The following ZNF208 variants were observed in gnomAD, a reference collection of about 807,000 sequenced individuals.
ZNF208 encodes zinc finger protein 208, also known as zinc finger protein 95.
ZNF208 carries 10 observed loss-of-function variants against 12.1 expected under a neutral mutation model. The ratio of observed to expected loss-of-function variants is 0.83; its 90% CI spans 0.51 to 1.40. ZNF208 has a LOEUF of 1.40. Among genes scored for constraint, ZNF208 ranks in the 40% most tolerant of loss-of-function variants. ZNF208 has a pLI of 0.00. For missense variants in ZNF208, 1,652 were observed against 1,485.0 expected, an observed-to-expected ratio of 1.11 and a Z score of -1.85; for synonymous variants, 497 against 488.4, an observed-to-expected ratio of 1.02 and a Z score of -0.23.
At chr19:21,961,114 C>A (rs1235598381), downstream of ZNF208, among the ~76,000 whole-genome samples, 3 of 152,190 alleles carry the variant, frequency 2.0e-5, no homozygotes, top group Non-Finnish European at 2.9e-5. Context: ...GGGGAACCCA[C>A]CCCCAATATT....
At chr19:21,960,067 T>C (rs1379939004) in intron 4 of ZNF208, among the ~76,000 whole-genome samples, 1 of 152,172 alleles carries the variant, frequency 6.6e-6, no homozygotes, top group African/African-American at 2.4e-5. Flanking sequence ...TACAAAATTA[T>C]ATGCTGACCA....
intron 4 of ZNF208, among the ~76,000 whole-genome samples, chr19:21,954,930 T>C (rs1377977642): frequency 7.2e-5 from 11 of 152,326 alleles, no homozygotes; most frequent in Middle Eastern, 3.4e-3. Flanking sequence ...CTACCATCGA[T>C]GGTCTTTACA....
chr19:22,002,543 A>C lies in ZNF208; in HGVS notation c.3+8249T>G, dbSNP rs145866703. Among the ~76,000 whole-genome samples the C allele has an allele frequency of 7.6e-3, 1,161 of 152,102 alleles. 9 individuals carry two copies. The highest frequency in any genetic ancestry group is 0.026 in the African/African-American group (1,087 of 41,464). ...GTACAAAAATTAGTAGCAACCCTAT[A>C]TATCAAGAACACCTAGGCCAAATCC... On this transcript the variant is annotated intron_variant, in intron 1 of 3. Coordinates refer to ENST00000397126, the MANE Select transcript of ZNF208 (RefSeq NM_007153.3).
Position 21,975,533 on chromosome 19 carries a change from A to G in ZNF208, c.227-726T>C, listed in dbSNP as rs544352306. The stretch of plus-strand genomic sequence containing the variant: ...TTTCTGACTATGCCAGGACAAAGCT[A>G]CATTATAAATTTTGTGACAGGTAGC... On this transcript the variant is annotated intron_variant, in intron 3 of 3. Transcript: ENST00000397126. Among the ~76,000 whole-genome samples the G allele has an allele frequency of 1.8e-3, 270 of 152,304 alleles. 1 individual carries two copies. The highest frequency in any genetic ancestry group is 6.2e-3 in the African/African-American group (257 of 41,578).
intron 4 of ZNF208, among the ~76,000 whole-genome samples, chr19:21,950,527 T>C (rs1301464583): frequency 6.9e-6 from 1 of 145,832 alleles, no homozygotes; most frequent in African/African-American, 2.6e-5. Context: ...AGAGTCTCAC[T>C]CTGTCACCTA....
intron 4 of ZNF208, among the ~76,000 whole-genome samples, chr19:21,954,911 A>G (rs1188954532): frequency 2.6e-5 from 4 of 151,416 alleles, no homozygotes; most frequent in African/African-American, 7.3e-5. Flanking sequence ...TAGTTGATGC[A>G]GTTTCTTCCT....
chr19:22,000,042 C>T (rs1428582731), intron 1 of ZNF208, among the ~76,000 whole-genome samples: 1 of 152,084 alleles, frequency 6.6e-6, no homozygotes, highest in Non-Finnish European at 1.5e-5. Context: ...AAAAAAACTC[C>T]ATGGGTTCAC....
At chr19:21,985,824 G>T (rs1215696566) in intron 3 of ZNF208, among the ~76,000 whole-genome samples, 3 of 152,152 alleles carry the variant, frequency 2.0e-5, no homozygotes, top group Non-Finnish European at 4.4e-5. Context: ...CCTCAGAAAT[G>T]CTCTCTGGTA....
intron 3 of ZNF208, among the ~76,000 whole-genome samples, chr19:21,986,392 TAAAAC>T (rs1970629143): frequency 6.6e-6 from 1 of 151,932 alleles, no homozygotes; most frequent in Non-Finnish European, 1.5e-5. Flanking sequence ...AATAGAGTAA[TAAAAC>T]AATCTTATTT....
chr19:22,003,419 C>T (rs1348710424), intron 1 of ZNF208, among the ~76,000 whole-genome samples: 1 of 150,610 alleles, frequency 6.6e-6, no homozygotes, highest in Non-Finnish European at 1.5e-5. Context: ...AAAATATTTG[C>T]AAACTATGCT....
chr19:22,007,193 T>C (rs1971059393), intron 1 of ZNF208, among the ~76,000 whole-genome samples: 2 of 152,206 alleles, frequency 1.3e-5, no homozygotes, highest in Admixed American at 6.5e-5. Flanking sequence ...AAAAGCTAGA[T>C]GGAATTCTAT....
At chr19:21,979,274 C>G (rs141443138) in intron 3 of ZNF208, among the ~76,000 whole-genome samples, 1,884 of 152,166 alleles carry the variant, frequency 0.012, 31 homozygotes, top group African/African-American at 0.042. Flanking sequence ...GACACAGAAT[C>G]GTCAGATTCA....
rs200861669 is a variant in ZNF208, at chr19:21,969,278, A to G, written c.*1913T>C. Among the ~76,000 whole-genome samples, 5 of 23,226 alleles carry G rather than the reference A, an allele frequency of 2.2e-4. No individual in the cohort carries two copies. The highest frequency in any genetic ancestry group is 1.5e-3 in the African/African-American group (5 of 3,416). The allele number at this position is 23,226 out of a possible 152,430, so 15.2% of individuals were successfully genotyped here. A position where few individuals can be genotyped will look rare whatever the true frequency, so the allele number is the denominator to read the frequency against. On this transcript the variant is annotated 3_prime_UTR_variant, in exon 4 of 4. Coordinates refer to ENST00000397126, the MANE Select transcript of ZNF208 (RefSeq NM_007153.3). ...GGCCACAGTAAGCCAATGTGTCTGG[A>G]AAAAAAAAAAATCTGTGTTTTGAAG... is the stretch of plus-strand genomic sequence containing the variant.
Position 21,967,531 on chromosome 19 carries a change from A to G in ZNF208, c.*3660T>C, listed in dbSNP as rs1170704903. 6.6e-6 allele frequency: 1 copy of G among 152,050 alleles called. No homozygotes were observed. Among genetic ancestry groups the G allele is most frequent in the Non-Finnish European group, 1.5e-5 (1 of 68,036 alleles). The allele number at this position is 152,050 out of a possible 1,614,324, so 9.4% of individuals were successfully genotyped here. A position where few individuals can be genotyped will look rare whatever the true frequency, so the allele number is the denominator to read the frequency against. Reference sequence around the variant, plus strand: ...CTCCCAAGTAGCTGGGATTACAGGCATGCACCACCACACCTGGCTAATTTT... The same window carrying G: ...CTCCCAAGTAGCTGGGATTACAGGCGTGCACCACCACACCTGGCTAATTTT... On this transcript the variant is annotated 3_prime_UTR_variant, in exon 4 of 4. Coordinates refer to ENST00000397126, the MANE Select transcript of ZNF208 (RefSeq NM_007153.3).
In ZNF208 at chr19:21,971,408, G is replaced by A. The variant is rs1490747701; in HGVS notation, c.3626C>T (p.Pro1209Leu). The A allele has an allele frequency of 6.2e-7, 1 of 1,605,706 alleles. No individual in the cohort carries two copies. The highest frequency in any genetic ancestry group is 8.5e-7 in the Non-Finnish European group (1 of 1,178,466). ...TTTCTTGTGATATCTAAGGGTTGAG[G>A]GCCACTTATAGGCTTTGCCACATTC... is the stretch of plus-strand genomic sequence containing the variant. ...CEECGKAYKW[P>L]STLRYHKKIH... The change falls in exon 4 of 4, where the codon CCC becomes CTC. Residue 1209 changes from proline to leucine, a missense_variant. Pro to Leu is a moderately conservative substitution (Grantham distance 98). Coordinates refer to ENST00000397126, the MANE Select transcript of ZNF208 (RefSeq NM_007153.3).
At chr19:21,977,601 T>C (rs1357870793) in intron 3 of ZNF208, among the ~76,000 whole-genome samples, 1 of 152,194 alleles carries the variant, frequency 6.6e-6, no homozygotes, top group African/African-American at 2.4e-5. Flanking sequence ...AGATTCCCTC[T>C]GGTGCCTATG....
chr19:21,946,248 A>G (rs542202138), intron 4 of ZNF208, among the ~76,000 whole-genome samples: 1 of 152,292 alleles, frequency 6.6e-6, no homozygotes, highest in South Asian at 2.1e-4. Flanking sequence ...TCTTTGGCCA[A>G]GCTTTTGCAT....
At position 22,002,981 on chromosome 19, in the gene ZNF208, G is replaced by A. The variant is rs1970980078; in HGVS notation, c.3+7811C>T. 1.3e-5 allele frequency among the ~76,000 whole-genome samples: 2 copies of A among 152,192 alleles called. 1 individual carries two copies. Among genetic ancestry groups the A allele is most frequent in the South Asian group, 4.1e-4 (2 of 4,824 alleles). ...GTGCTACAGTAAACAAAGCAACATG[G>A]TACTGGTACAAAAACAAACTCATAG... On this transcript the variant is annotated intron_variant, in intron 1 of 3. Coordinates refer to ENST00000397126, the MANE Select transcript of ZNF208 (RefSeq NM_007153.3).
Position 21,972,623 on chromosome 19 carries a change from G to T in ZNF208, c.2411C>A (p.Pro804His). 1.9e-6 allele frequency: 3 copies of T among 1,613,092 alleles called. No individual in the cohort carries two copies. The highest frequency in any genetic ancestry group is 2.5e-6 in the Non-Finnish European group (3 of 1,179,828). Residue 804 changes from proline to histidine, a missense_variant, in exon 4 of 4, where the codon CCC (proline) becomes CAC (histidine). Around this residue, in one of 3 missense-constraint regions of ZNF208, gnomAD observed 1,239 missense variants for 1,086.2 expected, o/e 1.14. Coordinates refer to ENST00000397126, the MANE Select transcript of ZNF208 (RefSeq NM_007153.3). The stretch of plus-strand genomic sequence containing the variant: ...TTTGCCACATTCTTCACATTTGTAG[G>T]GTTTCTCATCAGTATGAATTCTCTT... Reference protein sequence around the residue: ...KHKRIHTDEKPYKCEECGKTF... With the variant: ...KHKRIHTDEKHYKCEECGKTF...
Sources: gnomAD v4.1 joint callset for allele counts (sites outside exome capture counted in the v4.1 genomes callset) on GRCh38, gnomAD v4.1.1 for gene constraint, gnomAD v4.1.1 regional missense constraint, MANE v1.5 for transcripts, NCBI Gene and HGNC (gene_info 2026-07-23, HGNC 2026-07-21) for gene names.